DPP10: variants seen among roughly 807,000 people sequenced by gnomAD.
DPP10 encodes the protein dipeptidyl peptidase like 10, also known as inactive dipeptidyl peptidase 10.
In DPP10, 33 loss-of-function variants were observed where a neutral mutation model predicts 120.9. That is an observed-to-expected ratio of 0.27 (90% CI 0.21 to 0.37). The LOEUF is 0.37. DPP10 is among the 10% of genes least tolerant of loss of function. The pLI is 1.00. For missense variants in DPP10, 816 were observed against 942.8 expected, an observed-to-expected ratio of 0.87 and a Z score of 1.76; for synonymous variants, 337 against 326.1, an observed-to-expected ratio of 1.03 and a Z score of -0.36.
chr2:114,509,200 C>T (rs904856237), intron 1 of DPP10, among the ~76,000 whole-genome samples: 1 of 152,172 alleles, frequency 6.6e-6, no homozygotes, highest in Non-Finnish European at 1.5e-5. Flanking sequence ...TGAAAGTGTT[C>T]CAGGGAACTC....
chr2:115,602,928 A>C (rs1294661453), intron 5 of DPP10, among the ~76,000 whole-genome samples: 3 of 152,214 alleles, frequency 2.0e-5, no homozygotes. Flanking sequence ...ATTATTTTTA[A>C]ATAAGTTAAA....
intron 1 of DPP10, among the ~76,000 whole-genome samples, chr2:114,876,467 T>C (rs1035581941): frequency 6.6e-6 from 1 of 152,138 alleles, no homozygotes; most frequent in African/African-American, 2.4e-5. Context: ...GGATCTGAAC[T>C]CTGGCCCTGC....
At chr2:114,718,571 T>A (rs575453894) in intron 1 of DPP10, among the ~76,000 whole-genome samples, 1 of 152,284 alleles carries the variant, frequency 6.6e-6, no homozygotes, top group African/African-American at 2.4e-5. Flanking sequence ...GAACCAATGT[T>A]TTTGGTCACA....
At chr2:114,622,146 A>T (rs1413809120) in intron 1 of DPP10, among the ~76,000 whole-genome samples, 1 of 151,894 alleles carries the variant, frequency 6.6e-6, no homozygotes, top group Non-Finnish European at 1.5e-5. Context: ...AATGAGATGA[A>T]CCCATCATTG....
At chr2:114,587,705 A>T (rs1376184810) in intron 1 of DPP10, among the ~76,000 whole-genome samples, 1 of 152,204 alleles carries the variant, frequency 6.6e-6, no homozygotes, top group African/African-American at 2.4e-5. Flanking sequence ...CAATAAAGCA[A>T]TTTTCTCACA....
At chr2:114,575,196 G>A (rs1459073614) in intron 1 of DPP10, among the ~76,000 whole-genome samples, 3 of 151,930 alleles carry the variant, frequency 2.0e-5, no homozygotes, top group East Asian at 1.9e-4. Context: ...AGAGAAAACC[G>A]AAGAAGAAGG....
intron 1 of DPP10, among the ~76,000 whole-genome samples, chr2:114,831,500 A>G (rs1283048301): frequency 2.0e-5 from 3 of 152,192 alleles, no homozygotes; most frequent in Non-Finnish European, 1.5e-5. Flanking sequence ...TTTTATGGCA[A>G]AGAAGAGTGA....
intron 3 of DPP10, among the ~76,000 whole-genome samples, chr2:115,402,885 G>GTGTGTATATATATATGTATATATA (rs2068195204): frequency 2.9e-5 from 4 of 137,348 alleles, no homozygotes; most frequent in African/African-American, 5.6e-5. Flanking sequence ...ATGTGTGTGT[G>GTGTGTATATATATATGTATATATA]TGTGTGTATA....
At chr2:115,250,042 C>T (rs2058689623) in intron 1 of DPP10, among the ~76,000 whole-genome samples, 1 of 152,156 alleles carries the variant, frequency 6.6e-6, no homozygotes, top group Non-Finnish European at 1.5e-5. Context: ...ACTGCTTAAG[C>T]AGTCTCCAAA....
At chr2:114,632,706 G>A (rs1174318046) in intron 1 of DPP10, among the ~76,000 whole-genome samples, 1 of 151,884 alleles carries the variant, frequency 6.6e-6, no homozygotes, top group South Asian at 2.1e-4. Flanking sequence ...TAGAGACAGA[G>A]TTTCACCGTG....
At chr2:114,532,361 A>T (rs1236035434) in intron 1 of DPP10, among the ~76,000 whole-genome samples, 3 of 149,188 alleles carry the variant, frequency 2.0e-5, no homozygotes, top group Non-Finnish European at 3.0e-5. Context: ...TATACCATAT[A>T]TATATGTATA....
intron 1 of DPP10, among the ~76,000 whole-genome samples, chr2:115,074,789 G>T (rs1027492038): frequency 2.0e-5 from 3 of 152,172 alleles, no homozygotes; most frequent in Non-Finnish European, 2.9e-5. Flanking sequence ...ATATCATGGG[G>T]ATTTCTGCAT....
intron 1 of DPP10, among the ~76,000 whole-genome samples, chr2:114,919,553 T>C (rs1477168437): frequency 1.3e-5 from 2 of 152,214 alleles, no homozygotes; most frequent in Non-Finnish European, 2.9e-5. Flanking sequence ...GTTGGTTATA[T>C]AACGCAAGTT....
intron 1 of DPP10, among the ~76,000 whole-genome samples, chr2:114,455,862 C>A (rs182751604): frequency 5.2e-4 from 79 of 151,938 alleles, no homozygotes; most frequent in African/African-American, 1.8e-3. Context: ...TCTCATTTTA[C>A]CAAAAAATTT....
At chr2:114,769,520 G>A (rs1000611403) in intron 1 of DPP10, among the ~76,000 whole-genome samples, 1 of 152,190 alleles carries the variant, frequency 6.6e-6, no homozygotes, top group African/African-American at 2.4e-5. Flanking sequence ...TATGCATGAG[G>A]AAGCAAGGTG....
chr2:114,482,387 C>T (rs960963787), intron 1 of DPP10, among the ~76,000 whole-genome samples: 3 of 152,044 alleles, frequency 2.0e-5, no homozygotes, highest in Non-Finnish European at 4.4e-5. Flanking sequence ...AGCTATATGC[C>T]TTGTAAATTC....
At chr2:115,753,043 A>C in intron 10 of DPP10, 131 bp from the exon 11 acceptor site, 1 of 698,104 alleles carries the variant, frequency 1.4e-6, no homozygotes, top group Non-Finnish European at 2.2e-6. Flanking sequence ...CTATCTATAC[A>C]TAAATTAATA....
chr2:114,976,999 CT>C (rs1699796070), intron 1 of DPP10, among the ~76,000 whole-genome samples: 1 of 152,130 alleles, frequency 6.6e-6, no homozygotes, highest in African/African-American at 2.4e-5. Context: ...TTAATTCCAT[CT>C]ATGCCAGCAG....
intron 3 of DPP10, among the ~76,000 whole-genome samples, chr2:115,350,141 T>C (rs1271821595): frequency 6.6e-6 from 1 of 152,080 alleles, no homozygotes; most frequent in African/African-American, 2.4e-5. Context: ...AATTTGCATC[T>C]TTTTAATGGA....
Sources: allele counts gnomAD v4.1 joint callset (sites outside exome capture counted in the v4.1 genomes callset), GRCh38; gene constraint gnomAD v4.1.1; transcripts MANE v1.5; gene names NCBI Gene and HGNC (gene_info 2026-07-23, HGNC 2026-07-21).